Variants in LRRC9 observed in about 807,000 individuals in gnomAD.
LRRC9 encodes leucine rich repeat containing 9, also known as leucine-rich repeat-containing protein 9.
LRRC9 carries 122 observed loss-of-function variants against 63.2 expected under a neutral mutation model. The ratio of observed to expected loss-of-function variants is 1.93; its 90% CI spans 1.67 to 2.24. The LOEUF (loss-of-function observed/expected upper bound fraction) is 2.24. Ranked by LOEUF, LRRC9 falls within the 30% of genes most tolerant of loss-of-function variation. The probability of loss-of-function intolerance (pLI) is 0.00; values close to 1 mark genes in which losing one functional copy is unlikely to be tolerated. For missense variants in LRRC9, 1,071 were observed against 627.7 expected, an observed-to-expected ratio of 1.71 and a Z score of -7.55; for synonymous variants, 366 against 213.1, an observed-to-expected ratio of 1.72 and a Z score of -6.25.
chr14:60,006,638 T>G (rs1889832232), intron 22 of LRRC9, 21 bp downstream of exon 22: 1 of 584,764 alleles, frequency 1.7e-6, no homozygotes, highest in Non-Finnish European at 3.0e-6. Context: ...GGGTAGTAAT[T>G]TTTTTGTTTT....
intron 13 of LRRC9, 150 bp from the exon 14 acceptor site, chr14:59,977,075 T>A: frequency 2.3e-6 from 1 of 438,306 alleles, no homozygotes; most frequent in Non-Finnish European, 4.0e-6. Context: ...TCGAGCAATG[T>A]GTTATGCGCT....
rs1884962806 is a variant in LRRC9 at position 59,967,319 on chromosome 14, T to G, written c.1506+106T>G. ...CCTTTTATCCATATTTATAGTAAATTTCTACTGCTGTTTCACAAAAAGCTT... is the reference window on the plus strand; with the variant it reads ...CCTTTTATCCATATTTATAGTAAATGTCTACTGCTGTTTCACAAAAAGCTT... On this transcript the variant is annotated intron_variant, in intron 12 of 31. Transcript: ENST00000445360. The G allele has an allele frequency of 4.3e-6, 2 of 469,920 alleles. 1 individual carries two copies. The highest frequency in any genetic ancestry group is 9.4e-5 in the South Asian group (2 of 21,266). 29.1% of individuals were successfully genotyped at this position (469,920 alleles called of 1,614,324 possible).
At chr14:60,019,510 AAAAC>A in intron 26 of LRRC9, among the ~76,000 whole-genome samples, 1 of 152,080 alleles carries the variant, frequency 6.6e-6, no homozygotes, top group East Asian at 1.9e-4. Flanking sequence ...AAAAAACCAA[AAAAC>A]AAACAAACAA....
chr14:59,927,961 C>A lies in LRRC9; in HGVS notation c.18C>A (p.Asn6Lys), dbSNP rs1889350894. The A allele has an allele frequency of 2.9e-6, 2 of 681,562 alleles. No homozygotes were observed. The highest frequency in any genetic ancestry group is 5.3e-6 in the Non-Finnish European group (2 of 375,630). The allele number at this position is 681,562 out of a possible 1,614,324, so 42.2% of individuals were successfully genotyped here. Residue 6 changes from asparagine to lysine, a missense_variant, in exon 2 of 32, where the codon AAC (asparagine) becomes AAA (lysine). By Grantham distance (94) the Asn-to-Lys change is moderately conservative (BLOSUM62 0). Coordinates refer to ENST00000445360, the Ensembl canonical transcript of LRRC9. This position sits in a 1 kb window ranked among gnomAD's most constrained non-coding sequence, Gnocchi z 4.4. ...AATGGAAGATGATTGAAAGTGAAAA[C>A]CTAAACCAAGAAGAAATAATTAAAG...
rs1043780524 is a variant in LRRC9, at chr14:59,966,336, G to T, written c.1212-253G>T. Among the ~76,000 whole-genome samples the T allele has an allele frequency of 1.3e-5, 2 of 152,148 alleles. No homozygotes were observed. The highest frequency in any genetic ancestry group is 2.9e-5 in the Non-Finnish European group (2 of 68,020). On this transcript the variant is annotated intron_variant, in intron 10 of 31. Coordinates refer to ENST00000445360, the Ensembl canonical transcript of LRRC9. This position sits in a 1 kb window ranked among gnomAD's most constrained non-coding sequence, Gnocchi z 4.0. The stretch of plus-strand genomic sequence containing the variant: ...ACTATGAAAGAGCAGCCAATAAGAG[G>T]AAGGCGTATGAAGTTTCCCTGAAGC...
In LRRC9 at chr14:59,923,055, C is replaced by A. The variant is rs1247786900; in HGVS notation, c.-34+3172C>A. Among the ~76,000 whole-genome samples, 2 of 152,084 alleles carry A rather than the reference C, an allele frequency of 1.3e-5. No homozygotes were observed. Among genetic ancestry groups the A allele is most frequent in the East Asian group, 3.9e-4 (2 of 5,184 alleles). On this transcript the variant is annotated intron_variant, in intron 1 of 31. Transcript: ENST00000445360. The surrounding 1 kb of genome is among the most constrained non-coding windows in gnomAD (Gnocchi z 4.2). ...CCTTTAGCCTCTTAAATGGGCCAGC[C>A]CTGAAAGAGCTTCGAAGAGCAGGAG... is the stretch of plus-strand genomic sequence containing the variant.
At chr14:59,975,154 T>TATATATATACATATATATATATATAC (rs1886118174) in intron 13 of LRRC9, among the ~76,000 whole-genome samples, 1 of 28,162 alleles carries the variant, frequency 3.6e-5, no homozygotes, top group African/African-American at 6.7e-5. Flanking sequence ...TATATATGTA[T>TATATATATACATATATATATATATAC]ATATATATAT....
intron 17 of LRRC9, among the ~76,000 whole-genome samples, chr14:59,992,389 C>A (rs1358129973): frequency 6.6e-6 from 1 of 152,204 alleles, no homozygotes; most frequent in African/African-American, 2.4e-5. Context: ...ACTGGGAACT[C>A]TAAAAATCAG....
chr14:60,044,088 TTAGAG>T (rs1181545170), intron 29 of LRRC9, among the ~76,000 whole-genome samples: 3 of 152,012 alleles, frequency 2.0e-5, no homozygotes, highest in Admixed American at 6.6e-5. Flanking sequence ...TTCCAATTTA[TTAGAG>T]TATAGTTCAT....
At chr14:59,929,778 C>A (rs1230257821) in intron 3 of LRRC9, among the ~76,000 whole-genome samples, 1 of 152,054 alleles carries the variant, frequency 6.6e-6, no homozygotes, top group East Asian at 1.9e-4. Context: ...TTTGCAGGAA[C>A]ATGGATGGAG....
chr14:59,972,599 C>T (rs1885647402), intron 12 of LRRC9, among the ~76,000 whole-genome samples: 1 of 152,070 alleles, frequency 6.6e-6, no homozygotes, highest in Admixed American at 6.6e-5. Context: ...GCTTTATCTA[C>T]ACATGCCTTG....
At position 60,031,262 on chromosome 14, in the gene LRRC9, T is replaced by G. The variant is rs1159348069; in HGVS notation, c.3922-733T>G. Among the ~76,000 whole-genome samples the G allele has an allele frequency of 1.3e-5, 2 of 152,074 alleles. No homozygotes were observed. On this transcript the variant is annotated intron_variant, in intron 28 of 31. Coordinates refer to ENST00000445360, the Ensembl canonical transcript of LRRC9. The surrounding 1 kb of genome is among the most constrained non-coding windows in gnomAD (Gnocchi z 4.6). ...ACATGATCTAAAATAGGTCTAAATA[T>G]TTTTACAGTTACTAGAAGAATTTGC...
intron 8 of LRRC9, among the ~76,000 whole-genome samples, chr14:59,944,988 A>C (rs1456890336): frequency 6.6e-6 from 1 of 151,974 alleles, no homozygotes; most frequent in African/African-American, 2.4e-5. Flanking sequence ...TCTGCAATTC[A>C]AAAAAGGTAT....
chr14:59,962,885 C>T lies in LRRC9; in HGVS notation c.1211+1840C>T, dbSNP rs975750333. ...TTTGATGGATTTTGATTAGCATTAA[C>T]CTGTTTACTTGGTTTTAATAAGAGT... On this transcript the variant is annotated intron_variant, in intron 10 of 31. Coordinates refer to ENST00000445360, the Ensembl canonical transcript of LRRC9. The surrounding 1 kb of genome is among the most constrained non-coding windows in gnomAD (Gnocchi z 5.1). Among the ~76,000 whole-genome samples, 1 of 151,824 alleles carries T rather than the reference C, an allele frequency of 6.6e-6. No homozygotes were observed. Among genetic ancestry groups the T allele is most frequent in the Non-Finnish European group, 1.5e-5 (1 of 67,972 alleles).
chr14:59,974,131 T>G (rs1885842486), intron 12 of LRRC9, among the ~76,000 whole-genome samples: 3 of 152,132 alleles, frequency 2.0e-5, no homozygotes, highest in Admixed American at 1.3e-4. Flanking sequence ...TTTCCATGGG[T>G]TAACACATGA....
intron 8 of LRRC9, among the ~76,000 whole-genome samples, chr14:59,951,591 C>A (rs2139908123): frequency 6.8e-6 from 1 of 146,682 alleles, no homozygotes; most frequent in African/African-American, 2.5e-5. Flanking sequence ...TTAGAGTTTC[C>A]AGTTTTTCTG....
rs537491603 is a variant in LRRC9 at position 59,966,381 on chromosome 14, G to A, written c.1212-208G>A. ...TGAAGCTAAGAAAGTGTTTCAGAAA[G>A]TGAAGATTGCTCAACCAACCTGTCT... On this transcript the variant is annotated intron_variant, in intron 10 of 31. Transcript: ENST00000445360. The surrounding 1 kb of genome is among the most constrained non-coding windows in gnomAD (Gnocchi z 4.0). Among the ~76,000 whole-genome samples, 1 of 152,322 alleles carries A rather than the reference G, an allele frequency of 6.6e-6. No homozygotes were observed. Among genetic ancestry groups the A allele is most frequent in the African/African-American group, 2.4e-5 (1 of 41,564 alleles).
chr14:60,021,294 T>C (rs1198124198), intron 26 of LRRC9, among the ~76,000 whole-genome samples: 1 of 151,866 alleles, frequency 6.6e-6, no homozygotes, highest in Non-Finnish European at 1.5e-5. Context: ...TATATCTTCT[T>C]TGGTAAAATC....
At chr14:60,062,102 C>G (rs1372533551) in intron 31 of LRRC9, 9 of 398,702 alleles carry the variant, frequency 2.3e-5, no homozygotes, top group Non-Finnish European at 4.0e-5. Context: ...GGATAAGTAT[C>G]TCTCCATCTC....
Sources: gnomAD v4.1 joint callset for allele counts (sites outside exome capture counted in the v4.1 genomes callset) on GRCh38, gnomAD v4.1.1 for gene constraint, Gnocchi (gnomAD v3.1) non-coding constraint, MANE v1.5 for transcripts, NCBI Gene and HGNC (gene_info 2026-07-23, HGNC 2026-07-21) for gene names.